Variants in L3MBTL4 observed in about 807,000 individuals in gnomAD.
The protein encoded by L3MBTL4 is lethal(3)malignant brain tumor-like protein 4.
A neutral mutation model predicts 84.5 loss-of-function variants in L3MBTL4; 70 were observed. The ratio of observed to expected loss-of-function variants is 0.83; its 90% CI spans 0.68 to 1.01. L3MBTL4 has a LOEUF of 1.01. Ranked by LOEUF, L3MBTL4 falls within the 50% of genes least tolerant of loss-of-function variation. The pLI is 0.00. For missense variants in L3MBTL4, 715 were observed against 754.8 expected, an observed-to-expected ratio of 0.95 and a Z score of 0.62; for synonymous variants, 274 against 259.8, an observed-to-expected ratio of 1.05 and a Z score of -0.52.
chr18:6,246,359 T>C lies in L3MBTL4; in HGVS notation c.220-1771A>G, dbSNP rs75949860. 3.1e-3 allele frequency among the ~76,000 whole-genome samples: 465 copies of C among 152,340 alleles called. 2 individuals are homozygous for C. The highest frequency in any genetic ancestry group is 0.011 in the African/African-American group (443 of 41,594). On this transcript the variant is annotated intron_variant, in intron 5 of 18. Transcript: ENST00000317931. ...TGAATGTTTATAGCTATTTTTACTG[T>C]AATATTTTCACAGCAGACTTCCTAA...
chr18:6,093,584 T>C, intron 14 of L3MBTL4, 56 bp from the exon 15 acceptor site: 2 of 1,444,184 alleles, frequency 1.4e-6, no homozygotes, highest in Non-Finnish European at 1.9e-6. Context: ...AAATCAGGGA[T>C]CCATTGTCAT....
At chr18:6,295,309 ACTCT>A (rs58507219) in intron 4 of L3MBTL4, among the ~76,000 whole-genome samples, 737 of 62,664 alleles carry the variant, frequency 0.012, 8 homozygotes, top group African/African-American at 0.03. Flanking sequence ...AACAACAACA[ACTCT>A]CTCTCTCTCT....
chr18:6,206,773 G>A (rs972078023), intron 12 of L3MBTL4, among the ~76,000 whole-genome samples: 3 of 152,118 alleles, frequency 2.0e-5, no homozygotes, highest in African/African-American at 7.2e-5. Context: ...AAATCTAGAA[G>A]CTGTTGATTA....
intron 12 of L3MBTL4, among the ~76,000 whole-genome samples, chr18:6,181,845 T>G (rs754125095): frequency 2.0e-5 from 3 of 152,238 alleles, no homozygotes; most frequent in Non-Finnish European, 2.9e-5. Flanking sequence ...ATGATCTCCT[T>G]CTTTTTTATG....
At chr18:6,244,175 A>T (rs1194010139) in intron 6 of L3MBTL4, among the ~76,000 whole-genome samples, 1 of 152,212 alleles carries the variant, frequency 6.6e-6, no homozygotes, top group East Asian at 1.9e-4. Context: ...CTAAAATGTG[A>T]ATAAGTACAT....
At chr18:6,295,310 CTCT>C (rs1568450396) in intron 4 of L3MBTL4, among the ~76,000 whole-genome samples, 8 of 35,404 alleles carry the variant, frequency 2.3e-4, no homozygotes, top group African/African-American at 7.6e-4. Context: ...ACAACAACAA[CTCT>C]CTCTCTCTCT....
intron 16 of L3MBTL4, among the ~76,000 whole-genome samples, chr18:6,057,671 C>T (rs1468574489): frequency 6.6e-6 from 1 of 151,534 alleles, no homozygotes; most frequent in Non-Finnish European, 1.5e-5. Flanking sequence ...AAAAAGAAAA[C>T]AAATCAACAA....
chr18:5,993,553 T>C (rs548376397), intron 16 of L3MBTL4, among the ~76,000 whole-genome samples: 158 of 152,338 alleles, frequency 1.0e-3, no homozygotes, highest in African/African-American at 3.7e-3. Context: ...AAGTTTTTTT[T>C]CCCATTATTT....
intron 14 of L3MBTL4, among the ~76,000 whole-genome samples, chr18:6,125,975 G>GACCAATCA (rs1182565044): frequency 6.6e-6 from 1 of 152,094 alleles, no homozygotes; most frequent in Non-Finnish European, 1.5e-5. Flanking sequence ...ATAATATGTG[G>GACCAATCA]ACCAATCATT....
chr18:6,325,562 A>G (rs1257705823), intron 1 of L3MBTL4, among the ~76,000 whole-genome samples: 2 of 152,228 alleles, frequency 1.3e-5, no homozygotes, highest in African/African-American at 4.8e-5. Flanking sequence ...CAAACTATAT[A>G]AGTAGTATAT....
intron 10 of L3MBTL4, among the ~76,000 whole-genome samples, chr18:6,225,738 TAA>T (rs772917830): frequency 2.7e-4 from 32 of 117,432 alleles, no homozygotes; most frequent in African/African-American, 3.4e-4. Flanking sequence ...CCAGCCTATC[TAA>T]AAAAAAAAAA....
intron 16 of L3MBTL4, among the ~76,000 whole-genome samples, chr18:6,034,189 C>T (rs1397209773): frequency 1.3e-5 from 2 of 151,932 alleles, no homozygotes; most frequent in Non-Finnish European, 2.9e-5. Context: ...GGTACATGTG[C>T]ACAATGTGCA....
At chr18:6,219,256 A>C (rs558038525) in intron 10 of L3MBTL4, among the ~76,000 whole-genome samples, 4 of 151,980 alleles carry the variant, frequency 2.6e-5, no homozygotes, top group African/African-American at 9.6e-5. Context: ...AACCCAGCGC[A>C]TCCATGATCC....
intron 10 of L3MBTL4, among the ~76,000 whole-genome samples, chr18:6,220,623 T>C (rs1166305221): frequency 6.6e-6 from 1 of 152,234 alleles, no homozygotes; most frequent in Non-Finnish European, 1.5e-5. Flanking sequence ...GAATATTTCA[T>C]TTCTCTTGCT....
At chr18:6,299,134 A>G (rs1411382139) in intron 4 of L3MBTL4, among the ~76,000 whole-genome samples, 1 of 152,198 alleles carries the variant, frequency 6.6e-6, no homozygotes, top group Non-Finnish European at 1.5e-5. Context: ...TACTTACTGA[A>G]ACAAGCCTTC....
chr18:6,282,236 G>A (rs1233623494), intron 4 of L3MBTL4, among the ~76,000 whole-genome samples: 1 of 152,140 alleles, frequency 6.6e-6, no homozygotes. Flanking sequence ...CTTCCCTCAC[G>A]AGCTTTAAAA....
chr18:6,411,545 C>G (rs186762721), intron 1 of L3MBTL4, among the ~76,000 whole-genome samples: 1 of 152,152 alleles, frequency 6.6e-6, no homozygotes, highest in Non-Finnish European at 1.5e-5. Context: ...AGACTAACCA[C>G]GCTGTTCCCT....
intron 15 of L3MBTL4, among the ~76,000 whole-genome samples, chr18:6,089,405 A>G (rs970327680): frequency 3.9e-5 from 6 of 152,126 alleles, no homozygotes; most frequent in Admixed American, 3.3e-4. Flanking sequence ...TAAGTTCTGG[A>G]GTATATGTGC....
At chr18:6,356,755 G>C in intron 1 of L3MBTL4, 1 of 152,328 alleles carries the variant, frequency 6.6e-6, no homozygotes, top group Admixed American at 6.5e-5. Context: ...GAATGGGAAG[G>C]CTGGGACGTT....
Sources: gnomAD v4.1 joint callset for allele counts (sites outside exome capture counted in the v4.1 genomes callset) on GRCh38, gnomAD v4.1.1 for gene constraint, MANE v1.5 for transcripts, NCBI Gene and HGNC (gene_info 2026-07-23, HGNC 2026-07-21) for gene names.